Variants in PAPPA2 observed in about 807,000 individuals in gnomAD.
PAPPA2 encodes pappalysin 2.
PAPPA2 carries 86 observed loss-of-function variants against 176.4 expected under a neutral mutation model. The ratio of observed to expected loss-of-function variants is 0.49; its 90% CI spans 0.41 to 0.58. The LOEUF (loss-of-function observed/expected upper bound fraction) is 0.58. Among genes scored for constraint, PAPPA2 ranks in the 20% least tolerant of loss-of-function variants. PAPPA2 has a pLI of 0.00. For missense variants in PAPPA2, 2,073 were observed against 2,256.9 expected (o/e 0.92, Z 1.65); for synonymous variants, 809 against 852.2 (o/e 0.95, Z 0.88).
At chr1:176,759,154 T>G (rs544983538) in intron 14 of PAPPA2, among the ~76,000 whole-genome samples, 5 of 152,360 alleles carry the variant, frequency 3.3e-5, no homozygotes, top group Admixed American at 3.3e-4. Context: ...CAGACTTTTA[T>G]GAATGCCTGG....
At chr1:176,493,755 T>C (rs991951174) in intron 1 of PAPPA2, among the ~76,000 whole-genome samples, 1 of 152,106 alleles carries the variant, frequency 6.6e-6, no homozygotes, top group Non-Finnish European at 1.5e-5. Context: ...GGTTATGTCA[T>C]CCACAAGGAA....
At chr1:176,715,449 A>G (rs1472172080) in intron 12 of PAPPA2, among the ~76,000 whole-genome samples, 1 of 152,148 alleles carries the variant, frequency 6.6e-6, no homozygotes, top group African/African-American at 2.4e-5. Flanking sequence ...TACAGACCCA[A>G]TGTGGCTGCA....
intron 1 of PAPPA2, among the ~76,000 whole-genome samples, chr1:176,525,851 A>C (rs1649469791): frequency 6.6e-6 from 1 of 152,156 alleles, no homozygotes; most frequent in African/African-American, 2.4e-5. Flanking sequence ...TTGCGTGTTC[A>C]ATCTCTCTGA....
At chr1:176,695,606 CTTAG>C in intron 6 of PAPPA2, 128 bp from the exon 7 acceptor site, 2 of 994,802 alleles carry the variant, frequency 2.0e-6, no homozygotes, top group East Asian at 2.5e-5. Context: ...TACAGTTGTT[CTTAG>C]TTACTCTCTA....
intron 1 of PAPPA2, among the ~76,000 whole-genome samples, chr1:176,535,761 C>T (rs1241708145): frequency 6.6e-6 from 1 of 152,156 alleles, no homozygotes; most frequent in Non-Finnish European, 1.5e-5. Flanking sequence ...CTAGTTTTCT[C>T]ATGTATATAT....
rs1373013142 is a variant in PAPPA2 at position 176,690,138 on chromosome 1, T to C, written c.2139T>C (p.Gly713=). 5 of 1,593,394 alleles carry C rather than the reference T, an allele frequency of 3.1e-6. No individual in the cohort carries two copies. The highest frequency in any genetic ancestry group is 4.3e-6 in the Non-Finnish European group (5 of 1,164,314). Reference sequence around the variant, plus strand: ...GGCTTTTCAAAACTTTCATTGCAGGTGGCATTGTCCTCAGCCCAGCATATT... The same window carrying C: ...GGCTTTTCAAAACTTTCATTGCAGGCGGCATTGTCCTCAGCCCAGCATATT... ...PWDKDAVTHL[G]GIVLSPAYYG... The change falls in exon 5 of 23, where the codon GGT becomes GGC. Residue 713 remains glycine, a splice_region_variant and synonymous_variant. Transcript: ENST00000367662.
At chr1:176,474,096 G>A (rs578185130) in intron 1 of PAPPA2, among the ~76,000 whole-genome samples, 1 of 152,286 alleles carries the variant, frequency 6.6e-6, no homozygotes, top group South Asian at 2.1e-4. Flanking sequence ...AGATAAAAAT[G>A]TTTTAGTTCA....
chr1:176,734,161 G>A (rs1205941385), intron 12 of PAPPA2, among the ~76,000 whole-genome samples: 3 of 152,080 alleles, frequency 2.0e-5, no homozygotes, highest in African/African-American at 4.8e-5. Flanking sequence ...CTCCTTCCAA[G>A]TTCTATAAGC....
chr1:176,596,519 T>C (rs986852927), intron 3 of PAPPA2, among the ~76,000 whole-genome samples: 4 of 152,238 alleles, frequency 2.6e-5, no homozygotes, highest in African/African-American at 7.2e-5. Context: ...TCCTAATCCC[T>C]CAAATTAAAT....
At chr1:176,626,789 A>C (rs1287060405) in intron 3 of PAPPA2, among the ~76,000 whole-genome samples, 2 of 152,152 alleles carry the variant, frequency 1.3e-5, no homozygotes, top group African/African-American at 4.8e-5. Flanking sequence ...GGTGATGAGA[A>C]ATCTCACTAC....
Position 176,561,241 on chromosome 1 carries a change from A to G in PAPPA2, c.919+4000A>G, listed in dbSNP as rs148774090. On this transcript the variant is annotated intron_variant, in intron 2 of 22. Transcript: ENST00000367662. ...ATCATTCCATTTAAATAAAAATGAA[A>G]AAAGCTCCAAAAAATGAAAAATAAG... is the stretch of plus-strand genomic sequence containing the variant. 4.4e-3 allele frequency among the ~76,000 whole-genome samples: 667 copies of G among 152,346 alleles called. 3 individuals carry two copies. The highest frequency in any genetic ancestry group is 0.015 in the African/African-American group (632 of 41,584).
At chr1:176,694,948 A>G (rs183138834) in intron 6 of PAPPA2, among the ~76,000 whole-genome samples, 7 of 152,316 alleles carry the variant, frequency 4.6e-5, no homozygotes, top group Admixed American at 4.6e-4. Flanking sequence ...TGCACAGAGA[A>G]GGGAGTACTG....
intron 1 of PAPPA2, among the ~76,000 whole-genome samples, chr1:176,496,968 C>T (rs1381603506): frequency 6.6e-6 from 1 of 152,142 alleles, no homozygotes. Context: ...GGGCCAGAAA[C>T]ATTCCCTCAA....
chr1:176,593,810 T>G (rs868727330), intron 2 of PAPPA2, among the ~76,000 whole-genome samples: 1 of 152,014 alleles, frequency 6.6e-6, no homozygotes, highest in Admixed American at 6.6e-5. Context: ...CTGCGGTGGG[T>G]GGTATTGGGT....
intron 1 of PAPPA2, among the ~76,000 whole-genome samples, chr1:176,530,369 C>G (rs1320539950): frequency 6.6e-6 from 1 of 152,094 alleles, no homozygotes; most frequent in Non-Finnish European, 1.5e-5. Flanking sequence ...CACACAGTTA[C>G]TCAATGGGAC....
At chr1:176,711,078 G>A (rs748209797) in intron 11 of PAPPA2, among the ~76,000 whole-genome samples, 10 of 152,074 alleles carry the variant, frequency 6.6e-5, no homozygotes, top group East Asian at 3.8e-4. Flanking sequence ...AGTTCCACCC[G>A]CCTCTTACTG....
At chr1:176,522,955 T>G (rs1649289982) in intron 1 of PAPPA2, among the ~76,000 whole-genome samples, 1 of 152,140 alleles carries the variant, frequency 6.6e-6, no homozygotes, top group East Asian at 1.9e-4. Context: ...CAGCAACTTC[T>G]TAGCTTGACA....
intron 1 of PAPPA2, among the ~76,000 whole-genome samples, chr1:176,504,402 T>A (rs1648133687): frequency 6.6e-6 from 1 of 152,156 alleles, no homozygotes; most frequent in Non-Finnish European, 1.5e-5. Context: ...TTCTGTTCTT[T>A]ACACAAATGA....
rs1397969747 is a variant in PAPPA2 at position 176,706,373 on chromosome 1, A to T, written c.3380A>T (p.Glu1127Val). Residue 1127 changes from glutamate (E) to valine (V), a missense_variant, in exon 10 of 23, where the codon GAG becomes GTG. Around this residue, in one of 4 missense-constraint regions of PAPPA2, gnomAD observed 846 missense variants for 857.9 expected, o/e 0.99. Coordinates refer to ENST00000367662, the MANE Select transcript of PAPPA2 (RefSeq NM_020318.3). ...TTACCCTCTAGGAGACTGGGAGAAG[A>T]GTGTGATGATGGAGACCTTGTGAGC... ...DGKVSERLGE[E>V]CDDGDLVSGD... The T allele has an allele frequency of 6.2e-7, 1 of 1,613,722 alleles. No homozygotes were observed. Among genetic ancestry groups the T allele is most frequent in the Admixed American group, 1.7e-5 (1 of 59,990 alleles).
Sources: gnomAD v4.1 joint callset for allele counts (sites outside exome capture counted in the v4.1 genomes callset) on GRCh38, gnomAD v4.1.1 for gene constraint, gnomAD v4.1.1 regional missense constraint, MANE v1.5 for transcripts, NCBI Gene and HGNC (gene_info 2026-07-23, HGNC 2026-07-21) for gene names.